The following LRRC7 variants were observed in gnomAD, a reference collection of about 807,000 sequenced individuals.
The protein encoded by LRRC7 is leucine rich repeat containing 7.
In LRRC7, 23 loss-of-function variants were observed where a neutral mutation model predicts 175.7. That is an observed-to-expected ratio of 0.13 (90% CI 0.09 to 0.19). LRRC7 has a LOEUF of 0.19. Ranked by LOEUF, LRRC7 falls within the 10% of genes least tolerant of loss-of-function variation. The probability of loss-of-function intolerance (pLI) is 1.00; values close to 1 mark genes in which losing one functional copy is unlikely to be tolerated. For missense variants in LRRC7, 1,354 were observed against 1,904.7 expected (o/e 0.71, Z 5.38); for synonymous variants, 685 against 680.9 (o/e 1.01, Z -0.09).
intron 3 of LRRC7, among the ~76,000 whole-genome samples, chr1:69,762,192 C>A (rs1236679331): frequency 6.6e-6 from 1 of 151,816 alleles, no homozygotes; most frequent in Non-Finnish European, 1.5e-5. Flanking sequence ...AAATCTTTTT[C>A]CATTTCTATG....
At chr1:69,598,460 G>T (rs1469334661) in intron 1 of LRRC7, among the ~76,000 whole-genome samples, 1 of 152,072 alleles carries the variant, frequency 6.6e-6, no homozygotes, top group African/African-American at 2.4e-5. Flanking sequence ...ACAGGATAGG[G>T]TAGGTTGTGG....
At chr1:70,048,006 T>C (rs1305369896) in intron 22 of LRRC7, among the ~76,000 whole-genome samples, 1 of 152,058 alleles carries the variant, frequency 6.6e-6, no homozygotes, top group East Asian at 1.9e-4. Flanking sequence ...TATTCATCTA[T>C]CATTTATTTA....
chr1:69,641,873 T>G (rs1654267503), intron 1 of LRRC7, among the ~76,000 whole-genome samples: 1 of 151,830 alleles, frequency 6.6e-6, no homozygotes, highest in African/African-American at 2.4e-5. Context: ...TTCCTTAAAA[T>G]TATTCAAGTA....
At chr1:69,824,866 G>T (rs1679720205) in intron 4 of LRRC7, among the ~76,000 whole-genome samples, 1 of 152,118 alleles carries the variant, frequency 6.6e-6, no homozygotes, top group Admixed American at 6.6e-5. Context: ...AAGTGGTACT[G>T]CAGGCATATC....
intron 1 of LRRC7, among the ~76,000 whole-genome samples, chr1:69,670,744 T>C (rs1447991446): frequency 6.6e-6 from 1 of 152,094 alleles, no homozygotes; most frequent in Non-Finnish European, 1.5e-5. Context: ...TTTCCACTCT[T>C]CCCTCCTCTT....
intron 1 of LRRC7, among the ~76,000 whole-genome samples, chr1:69,631,034 T>TA (rs1652414623): frequency 6.6e-6 from 1 of 152,106 alleles, no homozygotes; most frequent in Non-Finnish European, 1.5e-5. Flanking sequence ...CATTTTTTTT[T>TA]ATTGAACCTT....
chr1:70,102,705 G>T (rs1275027891), intron 25 of LRRC7, among the ~76,000 whole-genome samples: 3 of 152,136 alleles, frequency 2.0e-5, no homozygotes, highest in African/African-American at 7.2e-5. Context: ...ATTTATTGAT[G>T]CTATACTGTG....
chr1:69,600,610 G>C (rs1647015317), intron 1 of LRRC7, among the ~76,000 whole-genome samples: 2 of 151,908 alleles, frequency 1.3e-5, no homozygotes, highest in Admixed American at 1.3e-4. Context: ...CTATTGTATA[G>C]CACACCTTGT....
chr1:69,693,190 C>G (rs899886087), intron 2 of LRRC7, among the ~76,000 whole-genome samples: 1 of 151,992 alleles, frequency 6.6e-6, no homozygotes, highest in African/African-American at 2.4e-5. Flanking sequence ...TCTCATTGAC[C>G]CCTTTCTATA....
chr1:69,614,290 T>A (rs1649277941), intron 1 of LRRC7, among the ~76,000 whole-genome samples: 1 of 152,054 alleles, frequency 6.6e-6, no homozygotes, highest in Admixed American at 6.6e-5. Context: ...ACAGGTCCTC[T>A]CCTCAGATTT....
chr1:69,694,655 T>C (rs1020154653), intron 2 of LRRC7, among the ~76,000 whole-genome samples: 30 of 152,152 alleles, frequency 2.0e-4, no homozygotes, highest in African/African-American at 7.0e-4. Flanking sequence ...CATGAATGAC[T>C]TGGTGTTGTT....
At chr1:69,748,599 G>T (rs557595779) in intron 2 of LRRC7, among the ~76,000 whole-genome samples, 120 of 152,184 alleles carry the variant, frequency 7.9e-4, no homozygotes, top group Non-Finnish European at 1.4e-3. Flanking sequence ...CACACCTCTG[G>T]CTTCTCAATA....
chr1:69,662,824 C>T (rs1395357934), intron 1 of LRRC7, among the ~76,000 whole-genome samples: 1 of 152,186 alleles, frequency 6.6e-6, no homozygotes, highest in East Asian at 1.9e-4. Context: ...TAGTCCTGGT[C>T]TGGGGTTTGG....
At chr1:69,988,622 C>T (rs965853946) in intron 10 of LRRC7, among the ~76,000 whole-genome samples, 22 of 152,078 alleles carry the variant, frequency 1.4e-4, no homozygotes, top group African/African-American at 3.4e-4. Context: ...AAGATTAGGG[C>T]GGGACCTCTT....
chr1:70,064,292 C>G (rs1032445976), intron 23 of LRRC7, among the ~76,000 whole-genome samples: 1 of 151,958 alleles, frequency 6.6e-6, no homozygotes, highest in Admixed American at 6.6e-5. Context: ...AAAGGTTCAG[C>G]TTAATAGGTT....
At chr1:69,915,369 T>C (rs1176314523) in intron 7 of LRRC7, among the ~76,000 whole-genome samples, 1 of 152,188 alleles carries the variant, frequency 6.6e-6, no homozygotes, top group Non-Finnish European at 1.5e-5. Context: ...GGCTGTGTTT[T>C]CATAAATTAA....
At chr1:69,689,966 C>T (rs1375004071) in intron 2 of LRRC7, among the ~76,000 whole-genome samples, 2 of 152,060 alleles carry the variant, frequency 1.3e-5, no homozygotes, top group East Asian at 3.9e-4. Context: ...ATTCTTAGAC[C>T]TTCAGAAAAT....
At chr1:69,761,608 T>C (rs1671043381) in intron 3 of LRRC7, among the ~76,000 whole-genome samples, 1 of 152,006 alleles carries the variant, frequency 6.6e-6, no homozygotes, top group Non-Finnish European at 1.5e-5. Context: ...GTGTATTTTT[T>C]AGAGGTAGGT....
chr1:70,052,928 C>A, intron 22 of LRRC7, 98 bp from the exon 23 acceptor site: 1 of 1,273,402 alleles, frequency 7.9e-7, no homozygotes, highest in Non-Finnish European at 1.1e-6. Context: ...TGCAATTAAA[C>A]AAAATTAATT....
Sources: gnomAD v4.1 joint callset for allele counts (sites outside exome capture counted in the v4.1 genomes callset) on GRCh38, gnomAD v4.1.1 for gene constraint, MANE v1.5 for transcripts, NCBI Gene and HGNC (gene_info 2026-07-23, HGNC 2026-07-21) for gene names.